Variants in RNF38 observed in about 807,000 individuals in gnomAD.
RNF38 encodes ring finger protein 38.
RNF38 carries 15 observed loss-of-function variants against 67.2 expected under a neutral mutation model. That is an observed-to-expected ratio of 0.22 (90% CI 0.15 to 0.34). RNF38 has a LOEUF of 0.34. Ranked by LOEUF, RNF38 falls within the 10% of genes least tolerant of loss-of-function variation. The pLI is 1.00. For missense variants in RNF38, 524 were observed against 639.9 expected (o/e 0.82, Z 1.95); for synonymous variants, 220 against 218.8 (o/e 1.01, Z -0.05).
At chr9:36,390,705 G>C (rs1366084037) in intron 1 of RNF38, 89 bp from the exon 2 acceptor site, 10 of 1,293,030 alleles carry the variant, frequency 7.7e-6, no homozygotes, top group Admixed American at 2.3e-5. Flanking sequence ...GGATTTTCTA[G>C]GTATTTGATG....
At chr9:36,433,686 C>CAA (rs199573932) in intron 1 of RNF38, among the ~76,000 whole-genome samples, 5 of 68,838 alleles carry the variant, frequency 7.3e-5, no homozygotes, top group Admixed American at 3.4e-4. Flanking sequence ...GACTTCGCCT[C>CAA]AAAAAAAAAA....
chr9:36,416,850 T>G (rs1235005374), intron 2 of RNF38, among the ~76,000 whole-genome samples: 1 of 147,234 alleles, frequency 6.8e-6, no homozygotes, highest in Non-Finnish European at 1.5e-5. Context: ...CCTCCTTGGT[T>G]AAAGCGATTC....
chr9:36,392,510 G>A (rs1399018557), intron 1 of RNF38, among the ~76,000 whole-genome samples: 1 of 152,182 alleles, frequency 6.6e-6, no homozygotes, highest in Non-Finnish European at 1.5e-5. Flanking sequence ...GCCCTGGTGA[G>A]AGAAGAGCTT....
chr9:36,388,696 G>A (rs992427844), intron 2 of RNF38, among the ~76,000 whole-genome samples: 1 of 152,086 alleles, frequency 6.6e-6, no homozygotes, highest in African/African-American at 2.4e-5. Context: ...CCTCAGAAAA[G>A]ACAGGAGTTT....
At chr9:36,473,357 G>A (rs565250475) in intron 1 of RNF38, among the ~76,000 whole-genome samples, 1 of 152,106 alleles carries the variant, frequency 6.6e-6, no homozygotes, top group Non-Finnish European at 1.5e-5. Flanking sequence ...GGAGGCCAAG[G>A]CAGGCGGATC....
At chr9:36,429,576 T>A (rs1336896192) in intron 1 of RNF38, among the ~76,000 whole-genome samples, 3 of 152,108 alleles carry the variant, frequency 2.0e-5, no homozygotes, top group Non-Finnish European at 4.4e-5. Flanking sequence ...GTCAGGAGTT[T>A]GAGACCAGCC....
At chr9:36,485,026 G>A (rs189986853) in intron 1 of RNF38, among the ~76,000 whole-genome samples, 216 of 152,168 alleles carry the variant, frequency 1.4e-3, no homozygotes, top group African/African-American at 4.9e-3. Context: ...AAAATTAGCC[G>A]GGCATGGTGG....
chr9:36,377,761 A>G (rs2133872793), intron 2 of RNF38, among the ~76,000 whole-genome samples: 1 of 152,254 alleles, frequency 6.6e-6, no homozygotes, highest in Admixed American at 6.5e-5. Context: ...TATACTTTAA[A>G]TCTCTAGATT....
chr9:36,486,083 C>A (rs955615127), intron 1 of RNF38, among the ~76,000 whole-genome samples: 2 of 152,080 alleles, frequency 1.3e-5, no homozygotes, highest in African/African-American at 4.8e-5. Context: ...AGACACCGTC[C>A]CCCGCCCTTC....
intron 1 of RNF38, among the ~76,000 whole-genome samples, chr9:36,443,534 C>A (rs1343522137): frequency 2.0e-5 from 3 of 152,100 alleles, no homozygotes; most frequent in Non-Finnish European, 4.4e-5. Flanking sequence ...TGTTGGGACA[C>A]AGAAGACTCA....
intron 3 of RNF38, among the ~76,000 whole-genome samples, chr9:36,371,227 T>G (rs1487708208): frequency 6.6e-6 from 1 of 152,200 alleles, no homozygotes; most frequent in Non-Finnish European, 1.5e-5. Flanking sequence ...AATCTGTTTC[T>G]TCTTACTCCT....
intron 1 of RNF38, among the ~76,000 whole-genome samples, chr9:36,427,657 C>CTCTA (rs146556210): frequency 0.11 from 15,823 of 146,976 alleles, 923 homozygotes; most frequent in East Asian, 0.2. Flanking sequence ...ATTTCCCAGC[C>CTCTA]TCTATCTATC....
intron 1 of RNF38, among the ~76,000 whole-genome samples, chr9:36,431,267 G>C (rs1268501109): frequency 6.6e-6 from 1 of 152,042 alleles, no homozygotes; most frequent in East Asian, 1.9e-4. Context: ...CATCATACCA[G>C]AGAGTCAGGC....
intron 1 of RNF38, among the ~76,000 whole-genome samples, chr9:36,479,348 G>A (rs548376381): frequency 6.6e-6 from 1 of 152,342 alleles, no homozygotes; most frequent in South Asian, 2.1e-4. Context: ...AGCAACAGAG[G>A]AAGAGGAACT....
At chr9:36,381,605 A>G (rs1299531125) in intron 2 of RNF38, among the ~76,000 whole-genome samples, 1 of 152,206 alleles carries the variant, frequency 6.6e-6, no homozygotes, top group Non-Finnish European at 1.5e-5. Context: ...TTCTTATAAG[A>G]TTCCCTTCTG....
intron 1 of RNF38, among the ~76,000 whole-genome samples, chr9:36,484,218 A>C (rs1160051114): frequency 6.6e-6 from 1 of 152,256 alleles, no homozygotes; most frequent in Non-Finnish European, 1.5e-5. Flanking sequence ...AACAAAGCTC[A>C]AACTGCTGAC....
chr9:36,481,486 T>C (rs1840269519), intron 1 of RNF38, among the ~76,000 whole-genome samples: 3 of 152,210 alleles, frequency 2.0e-5, no homozygotes, highest in Admixed American at 6.5e-5. Flanking sequence ...GGGTAAGGCC[T>C]GCAGGTAAGA....
chr9:36,383,367 A>G (rs1284914900), intron 2 of RNF38, among the ~76,000 whole-genome samples: 1 of 152,052 alleles, frequency 6.6e-6, no homozygotes, highest in African/African-American at 2.4e-5. Context: ...CAATTTTTGT[A>G]TTTTTAGTAG....
At chr9:36,454,192 C>T (rs1345971309) in intron 1 of RNF38, among the ~76,000 whole-genome samples, 3 of 151,772 alleles carry the variant, frequency 2.0e-5, no homozygotes, top group Non-Finnish European at 2.9e-5. Flanking sequence ...GGCGCAATCT[C>T]GGCTCACTGC....
Sources: allele counts gnomAD v4.1 joint callset (sites outside exome capture counted in the v4.1 genomes callset), GRCh38; gene constraint gnomAD v4.1.1; transcripts MANE v1.5; gene names NCBI Gene and HGNC (gene_info 2026-07-23, HGNC 2026-07-21).